The following OPCML variants were observed in gnomAD, a reference collection of about 807,000 sequenced individuals.
OPCML encodes the protein opioid binding protein/cell adhesion molecule like.
OPCML carries 13 observed loss-of-function variants against 37.8 expected under a neutral mutation model. The observed-to-expected ratio is 0.34, with a 90% CI of 0.22 to 0.55. The LOEUF is 0.55. Ranked by LOEUF, OPCML falls within the 20% of genes least tolerant of loss-of-function variation. OPCML has a pLI of 0.91. For synonymous variants in OPCML, 176 were observed against 168.8 expected (o/e 1.04, Z -0.33); for missense variants, 341 against 435.6 (o/e 0.78, Z 1.93).
At chr11:132,661,696 A>G (rs79808712) in intron 2 of OPCML, among the ~76,000 whole-genome samples, 15,750 of 152,228 alleles carry the variant, frequency 0.1, 841 homozygotes, top group South Asian at 0.14. Context: ...TTCCAAGCTA[A>G]CCCTACCTAC....
At chr11:132,646,492 A>G (rs1941158125) in intron 3 of OPCML, among the ~76,000 whole-genome samples, 1 of 152,194 alleles carries the variant, frequency 6.6e-6, no homozygotes, top group African/African-American at 2.4e-5. Context: ...ATACTTAGAC[A>G]ACACTGTTAA....
At chr11:133,149,914 C>G (rs900589394) in intron 1 of OPCML, among the ~76,000 whole-genome samples, 1 of 152,196 alleles carries the variant, frequency 6.6e-6, no homozygotes, top group Non-Finnish European at 1.5e-5. Context: ...GAGTCACTAT[C>G]ACTCTTCAAG....
chr11:132,734,935 T>C (rs538830414), intron 2 of OPCML, among the ~76,000 whole-genome samples: 70 of 152,304 alleles, frequency 4.6e-4, no homozygotes, highest in African/African-American at 1.6e-3. Context: ...AAGGTGATTG[T>C]TATTATGTGG....
intron 1 of OPCML, among the ~76,000 whole-genome samples, chr11:132,970,406 A>T (rs1027399338): frequency 2.6e-5 from 4 of 152,164 alleles, no homozygotes; most frequent in African/African-American, 9.7e-5. Context: ...AAAAAACCCC[A>T]GCTTTTCCTT....
At position 132,962,513 on chromosome 11, in the gene OPCML, G is replaced by A. The variant is rs747298739; in HGVS notation, c.62-19503C>T. 5.3e-5 allele frequency among the ~76,000 whole-genome samples: 8 copies of A among 152,326 alleles called. No individual in the cohort carries two copies. In the East Asian group the frequency reaches 9.6e-4, roughly 18 times the overall value. On this transcript the variant is annotated intron_variant, in intron 1 of 7. Coordinates refer to ENST00000524381, the MANE Select transcript of OPCML (RefSeq NM_001012393.5). ...AAAAGATTTTTAAGTCTAGACTGTCGCGTGAGAGAACAGAAATTGTGGACC... is the reference window on the plus strand; with the variant it reads ...AAAAGATTTTTAAGTCTAGACTGTCACGTGAGAGAACAGAAATTGTGGACC...
intron 1 of OPCML, among the ~76,000 whole-genome samples, chr11:133,254,304 C>T (rs972475800): frequency 1.3e-5 from 2 of 152,140 alleles, no homozygotes; most frequent in African/African-American, 4.8e-5. Flanking sequence ...TGAGAGAGAG[C>T]AGGGCATGAG....
intron 3 of OPCML, among the ~76,000 whole-genome samples, chr11:132,637,721 A>T (rs967981839): frequency 6.6e-6 from 1 of 152,154 alleles, no homozygotes; most frequent in Admixed American, 6.5e-5. Flanking sequence ...TTAAGTGACT[A>T]ATATGTTCCA....
chr11:133,517,126 A>G (rs1948296148), intron 1 of OPCML, among the ~76,000 whole-genome samples: 1 of 152,234 alleles, frequency 6.6e-6, no homozygotes, highest in Admixed American at 6.5e-5. Context: ...ACTCTCTGCA[A>G]TGGTCTCCAA....
chr11:132,975,059 T>C (rs1278954492), intron 1 of OPCML, among the ~76,000 whole-genome samples: 1 of 151,944 alleles, frequency 6.6e-6, no homozygotes, highest in East Asian at 2.0e-4. Flanking sequence ...CTGGAACTCA[T>C]TCATTCTTTC....
At chr11:132,828,704 C>T (rs972341660) in intron 2 of OPCML, among the ~76,000 whole-genome samples, 2 of 152,006 alleles carry the variant, frequency 1.3e-5, no homozygotes, top group South Asian at 2.1e-4. Flanking sequence ...TTTGGGTATC[C>T]GATGTTGGCT....
rs1005524189 is a variant in OPCML, at chr11:133,082,122, CAGGG to C, written c.62-139116_62-139113del. On this transcript the variant is annotated intron_variant, in intron 1 of 7. Transcript: ENST00000524381. ...CCCGGGCCCAGAGCAGCTCCCGGCTCAGGGACCCCTCCCCAGGCCAAGGGCAGGA... is the reference window on the plus strand; with the variant it reads ...CCCGGGCCCAGAGCAGCTCCCGGCTCACCCCTCCCCAGGCCAAGGGCAGGA... 8.6e-5 allele frequency among the ~76,000 whole-genome samples: 13 copies of C among 152,046 alleles called. No individual in the cohort carries two copies. In the East Asian group the frequency reaches 9.8e-4, roughly 11 times the overall value.
chr11:132,675,867 CA>C (rs1173083729), intron 2 of OPCML, among the ~76,000 whole-genome samples: 9 of 152,104 alleles, frequency 5.9e-5, no homozygotes, highest in Non-Finnish European at 1.3e-4. Context: ...TCATATTTCC[CA>C]AACTGTTCTA....
chr11:133,049,567 GAGA>G (rs1303785062), intron 1 of OPCML, among the ~76,000 whole-genome samples: 1 of 152,232 alleles, frequency 6.6e-6, no homozygotes, highest in Non-Finnish European at 1.5e-5. Flanking sequence ...CAAAACAAAA[GAGA>G]AGTTGATCGC....
intron 2 of OPCML, among the ~76,000 whole-genome samples, chr11:132,788,119 G>A (rs1468628491): frequency 1.3e-5 from 2 of 152,080 alleles, no homozygotes; most frequent in African/African-American, 4.8e-5. Flanking sequence ...GACCTCGTGA[G>A]TCACCCACCT....
chr11:132,936,655 T>C, intron 2 of OPCML, among the ~76,000 whole-genome samples: 1 of 152,048 alleles, frequency 6.6e-6, no homozygotes, highest in East Asian at 1.9e-4. Flanking sequence ...GGGAAAGCCA[T>C]ACACAGATCT....
intron 1 of OPCML, among the ~76,000 whole-genome samples, chr11:133,252,244 T>C (rs760052879): frequency 6.6e-6 from 1 of 152,148 alleles, no homozygotes; most frequent in Non-Finnish European, 1.5e-5. Context: ...GAGAGACAAG[T>C]TAGACCAGAA....
chr11:133,084,334 A>T (rs1332642630), intron 1 of OPCML, among the ~76,000 whole-genome samples: 1 of 152,122 alleles, frequency 6.6e-6, no homozygotes, highest in Non-Finnish European at 1.5e-5. Flanking sequence ...ATCATTCTCA[A>T]CCATCAATGT....
At chr11:133,201,914 G>GT (rs1348183879) in intron 1 of OPCML, among the ~76,000 whole-genome samples, 10 of 152,218 alleles carry the variant, frequency 6.6e-5, no homozygotes, top group African/African-American at 1.4e-4. Flanking sequence ...TCAATCAATG[G>GT]TTTTTTATTG....
chr11:132,948,185 C>T (rs1945786782), intron 1 of OPCML, among the ~76,000 whole-genome samples: 1 of 152,170 alleles, frequency 6.6e-6, no homozygotes, highest in East Asian at 1.9e-4. Context: ...GAGACGACTG[C>T]CTTGAAAGAT....
Sources: allele counts gnomAD v4.1 joint callset (sites outside exome capture counted in the v4.1 genomes callset), GRCh38; gene constraint gnomAD v4.1.1; transcripts MANE v1.5; gene names NCBI Gene and HGNC (gene_info 2026-07-23, HGNC 2026-07-21).